The following CPA6 variants were observed in gnomAD, a reference collection of about 807,000 sequenced individuals.
CPA6 encodes carboxypeptidase B.
CPA6 carries 58 observed loss-of-function variants against 63.3 expected under a neutral mutation model. The observed-to-expected ratio is 0.92, with a 90% confidence interval of 0.74 to 1.14. The LOEUF is 1.14. Ranked by LOEUF, CPA6 falls within the 50% of genes most tolerant of loss-of-function variation. The pLI is 0.00. For synonymous variants in CPA6, 185 were observed against 179.0 expected (o/e 1.03, Z -0.27); for missense variants, 565 against 526.6 (o/e 1.07, Z -0.71).
intron 2 of CPA6, among the ~76,000 whole-genome samples, chr8:67,558,332 T>C (rs573375654): frequency 5.9e-5 from 9 of 152,206 alleles, no homozygotes; most frequent in Non-Finnish European, 1.0e-4. Flanking sequence ...TTTATCACCA[T>C]CTGTAGCTAT....
At chr8:67,697,470 T>C (rs953665156) in intron 1 of CPA6, among the ~76,000 whole-genome samples, 1 of 152,230 alleles carries the variant, frequency 6.6e-6, no homozygotes, top group Non-Finnish European at 1.5e-5. Context: ...ACTCTGAAAG[T>C]GACTCAAAGA....
chr8:67,476,210 C>T (rs1811233297), intron 8 of CPA6, among the ~76,000 whole-genome samples: 1 of 151,888 alleles, frequency 6.6e-6, no homozygotes, highest in African/African-American at 2.4e-5. Context: ...ACCATGTTGG[C>T]CAGGCTGGTC....
rs1810892478 is a variant in CPA6 at position 67,464,915 on chromosome 8, CAT to C, written c.838+18851_838+18852del. 3.3e-5 allele frequency among the ~76,000 whole-genome samples: 5 copies of C among 152,166 alleles called. No individual in the cohort carries two copies. In the South Asian group the frequency reaches 1.0e-3, roughly 32 times the overall value. The stretch of plus-strand genomic sequence containing the variant: ...CATGCTGTTTTGGTTACTGTAGCCT[CAT>C]AGTATAGTTTGAAGTCAGGTAATGT... On this transcript the variant is annotated intron_variant, in intron 8 of 10. Transcript: ENST00000297770.
At chr8:67,566,728 A>C (rs1458174287) in intron 2 of CPA6, among the ~76,000 whole-genome samples, 2 of 152,194 alleles carry the variant, frequency 1.3e-5, no homozygotes, top group African/African-American at 4.8e-5. Flanking sequence ...TCAGTATGCC[A>C]GTTCACCCTC....
At chr8:67,697,899 C>T (rs1460464982) in intron 1 of CPA6, among the ~76,000 whole-genome samples, 1 of 152,098 alleles carries the variant, frequency 6.6e-6, no homozygotes, top group Non-Finnish European at 1.5e-5. Context: ...GTGTGTGTAA[C>T]TTTTATGCAC....
intron 1 of CPA6, among the ~76,000 whole-genome samples, chr8:67,701,766 T>C (rs1587712997): frequency 6.6e-6 from 1 of 152,128 alleles, no homozygotes; most frequent in African/African-American, 2.4e-5. Flanking sequence ...AACCTCAGGG[T>C]GGCAAACAAG....
At chr8:67,635,555 G>A (rs1815449108) in intron 1 of CPA6, among the ~76,000 whole-genome samples, 1 of 151,602 alleles carries the variant, frequency 6.6e-6, no homozygotes, top group Admixed American at 6.6e-5. Context: ...ATCACCTGAG[G>A]TCAGGAGTTT....
At chr8:67,697,074 C>T (rs1816925674) in intron 1 of CPA6, among the ~76,000 whole-genome samples, 1 of 152,158 alleles carries the variant, frequency 6.6e-6, no homozygotes, top group African/African-American at 2.4e-5. Context: ...GAAATAGTCT[C>T]AGAGAGATTG....
chr8:67,608,043 T>G (rs1436846636), intron 2 of CPA6, among the ~76,000 whole-genome samples: 1 of 152,188 alleles, frequency 6.6e-6, no homozygotes, highest in Non-Finnish European at 1.5e-5. Context: ...TGGGTCCTGT[T>G]TTTACTGTTA....
chr8:67,433,427 A>G (rs1324596839), intron 9 of CPA6, among the ~76,000 whole-genome samples: 5 of 152,050 alleles, frequency 3.3e-5, no homozygotes, highest in Non-Finnish European at 7.4e-5. Flanking sequence ...AGAGAAAGAA[A>G]CTCTGCTTTT....
chr8:67,483,093 AC>A (rs1405275385), intron 8 of CPA6, among the ~76,000 whole-genome samples: 1 of 152,318 alleles, frequency 6.6e-6, no homozygotes, highest in East Asian at 1.9e-4. Flanking sequence ...AAGACTCAAT[AC>A]AAAGGCAGCT....
At chr8:67,562,802 G>T (rs549240931) in intron 2 of CPA6, among the ~76,000 whole-genome samples, 1 of 152,308 alleles carries the variant, frequency 6.6e-6, no homozygotes, top group East Asian at 1.9e-4. Context: ...TTGGCACCTT[G>T]ATCTTGGATT....
intron 6 of CPA6, among the ~76,000 whole-genome samples, chr8:67,500,470 T>C (rs1360023761): frequency 6.6e-6 from 1 of 152,170 alleles, no homozygotes; most frequent in Non-Finnish European, 1.5e-5. Flanking sequence ...GTTTTCTCAG[T>C]CTGCAGCTTA....
chr8:67,521,384 T>G (rs1198933205), intron 2 of CPA6, among the ~76,000 whole-genome samples: 1 of 152,242 alleles, frequency 6.6e-6, no homozygotes, highest in Non-Finnish European at 1.5e-5. Flanking sequence ...AGGTTAACAT[T>G]TTAACATTTC....
chr8:67,641,087 C>G (rs1013422614), intron 1 of CPA6, among the ~76,000 whole-genome samples: 1 of 151,720 alleles, frequency 6.6e-6, no homozygotes, highest in African/African-American at 2.4e-5. Flanking sequence ...CTCCTGCTGC[C>G]ACCACTCATG....
chr8:67,530,883 G>C (rs1329624303), intron 2 of CPA6, among the ~76,000 whole-genome samples: 1 of 152,156 alleles, frequency 6.6e-6, no homozygotes, highest in Non-Finnish European at 1.5e-5. Context: ...TCTCCAGATA[G>C]AGAAAGATAC....
intron 1 of CPA6, among the ~76,000 whole-genome samples, chr8:67,648,845 A>C (rs1225685991): frequency 6.6e-6 from 1 of 152,204 alleles, no homozygotes; most frequent in African/African-American, 2.4e-5. Flanking sequence ...GACTGTTAGA[A>C]TAGAACTGGG....
intron 6 of CPA6, among the ~76,000 whole-genome samples, chr8:67,494,142 G>A (rs1205021314): frequency 6.6e-6 from 1 of 151,132 alleles, no homozygotes; most frequent in Non-Finnish European, 1.5e-5. Context: ...CATTTTTTCA[G>A]GTATATATCT....
chr8:67,601,647 T>C (rs1439817434), intron 2 of CPA6, among the ~76,000 whole-genome samples: 5 of 152,216 alleles, frequency 3.3e-5, no homozygotes, highest in African/African-American at 9.6e-5. Context: ...AATCATTTGA[T>C]ACATCACATA....
Sources: allele counts gnomAD v4.1 joint callset (sites outside exome capture counted in the v4.1 genomes callset), GRCh38; gene constraint gnomAD v4.1.1; transcripts MANE v1.5; gene names NCBI Gene and HGNC (gene_info 2026-07-23, HGNC 2026-07-21).